Variants in GALNT18 observed in about 807,000 individuals in gnomAD.
GALNT18 encodes GalNAc-transferase 18.
A neutral mutation model predicts 69.5 loss-of-function variants in GALNT18; 44 were observed. The observed-to-expected ratio is 0.63, with a 90% CI of 0.50 to 0.81. The LOEUF (loss-of-function observed/expected upper bound fraction) is 0.81. Ranked by LOEUF, GALNT18 falls within the 40% of genes least tolerant of loss-of-function variation. The pLI, the probability that GALNT18 is intolerant of heterozygous loss-of-function variation, is 0.00. For synonymous variants in GALNT18, 364 were observed against 318.2 expected, an observed-to-expected ratio of 1.14 and a Z score of -1.53; for missense variants, 715 against 810.0, an observed-to-expected ratio of 0.88 and a Z score of 1.42.
At chr11:11,577,124 A>G (rs925032729) in intron 1 of GALNT18, among the ~76,000 whole-genome samples, 22 of 152,164 alleles carry the variant, frequency 1.4e-4, no homozygotes, top group African/African-American at 5.1e-4. Context: ...GATGATACTT[A>G]CCTCACACAT....
intron 6 of GALNT18, among the ~76,000 whole-genome samples, chr11:11,354,498 A>C (rs1850486743): frequency 6.6e-6 from 1 of 152,234 alleles, no homozygotes; most frequent in African/African-American, 2.4e-5. Flanking sequence ...TCCAACACTC[A>C]GTTTCCTTGT....
chr11:11,506,017 C>A (rs1857063979), intron 1 of GALNT18, among the ~76,000 whole-genome samples: 1 of 152,194 alleles, frequency 6.6e-6, no homozygotes, highest in Non-Finnish European at 1.5e-5. Context: ...AGGTTTCCTG[C>A]AGTCACCCTG....
chr11:11,520,968 G>GC (rs1178174604), intron 1 of GALNT18, among the ~76,000 whole-genome samples: 2 of 152,094 alleles, frequency 1.3e-5, no homozygotes, highest in Admixed American at 1.3e-4. Context: ...GAGCCTTAGA[G>GC]CCCCTGGCTG....
intron 1 of GALNT18, among the ~76,000 whole-genome samples, chr11:11,533,126 C>A (rs1857692318): frequency 6.6e-6 from 1 of 152,156 alleles, no homozygotes; most frequent in Non-Finnish European, 1.5e-5. Context: ...CTCCAGAACC[C>A]AGAAAATGTT....
At chr11:11,393,152 A>C (rs1854234437) in intron 3 of GALNT18, among the ~76,000 whole-genome samples, 1 of 152,116 alleles carries the variant, frequency 6.6e-6, no homozygotes, top group Non-Finnish European at 1.5e-5. Context: ...TTGAAACAGC[A>C]CCCATGGGGT....
At chr11:11,462,743 T>A (rs940341365) in intron 1 of GALNT18, among the ~76,000 whole-genome samples, 8 of 152,126 alleles carry the variant, frequency 5.3e-5, no homozygotes, top group Non-Finnish European at 1.0e-4. Context: ...AGAAGCAGAA[T>A]GTTCAATGGA....
At chr11:11,522,769 C>G (rs2133930726) in intron 1 of GALNT18, among the ~76,000 whole-genome samples, 1 of 152,300 alleles carries the variant, frequency 6.6e-6, no homozygotes, top group East Asian at 1.9e-4. Flanking sequence ...TCTCCACCGA[C>G]AAAGACACTT....
chr11:11,350,527 C>T (rs1253325997), intron 6 of GALNT18, among the ~76,000 whole-genome samples: 1 of 152,220 alleles, frequency 6.6e-6, no homozygotes, highest in Non-Finnish European at 1.5e-5. Context: ...CTCTGACATA[C>T]AGGGGTTGGG....
At chr11:11,547,667 G>A (rs907337407) in intron 1 of GALNT18, among the ~76,000 whole-genome samples, 1 of 152,212 alleles carries the variant, frequency 6.6e-6, no homozygotes, top group Non-Finnish European at 1.5e-5. Context: ...CTGCTACCAT[G>A]AATCTTAGGG....
intron 3 of GALNT18, among the ~76,000 whole-genome samples, chr11:11,418,151 C>T (rs1167247473): frequency 2.6e-5 from 4 of 152,328 alleles, no homozygotes; most frequent in Admixed American, 2.6e-4. Context: ...ATGTTTCTGT[C>T]TCTGTTTCCC....
In GALNT18 at chr11:11,347,697, C is replaced by A. The variant is rs1850327536; in HGVS notation, c.1093-6693G>T. ...AAAGCCTCCTTCCTGCTCTCCACAT[C>A]CATCCAAAGCCGGCCTGGCCCAGCT... On this transcript the variant is annotated intron_variant, in intron 6 of 10. Transcript: ENST00000227756. This position sits in a 1 kb window ranked among gnomAD's most constrained non-coding sequence, Gnocchi z 4.0. 6.6e-6 allele frequency among the ~76,000 whole-genome samples: 1 copy of A among 152,242 alleles called. No individual in the cohort carries two copies. Among genetic ancestry groups the A allele is most frequent in the South Asian group, 2.1e-4 (1 of 4,834 alleles).
intron 1 of GALNT18, among the ~76,000 whole-genome samples, chr11:11,578,898 G>A (rs1858999443): frequency 6.6e-6 from 1 of 152,232 alleles, no homozygotes; most frequent in African/African-American, 2.4e-5. Flanking sequence ...AAAGGGCTAT[G>A]TCAGCAGCGA....
chr11:11,518,773 G>A (rs899353605), intron 1 of GALNT18, among the ~76,000 whole-genome samples: 3 of 152,250 alleles, frequency 2.0e-5, no homozygotes, highest in Non-Finnish European at 1.5e-5. Context: ...GGAGCAAAGT[G>A]TTAGTCATAG....
intron 6 of GALNT18, among the ~76,000 whole-genome samples, chr11:11,361,389 T>C (rs1388955196): frequency 2.0e-5 from 3 of 152,238 alleles, no homozygotes; most frequent in Non-Finnish European, 4.4e-5. Flanking sequence ...GAGATAGTAG[T>C]AGTACCTACA....
Position 11,332,587 on chromosome 11 carries a change from A to T in GALNT18, c.1416+107T>A. On this transcript the variant is annotated intron_variant, in intron 8 of 10. Transcript: ENST00000227756. This position sits in a 1 kb window ranked among gnomAD's most constrained non-coding sequence, Gnocchi z 4.3. ...AGCGCCCGGTCCCCAGGCCTACTGC[A>T]GTTCTTCATGTGAGCAGCTGAGAGG... 1.5e-6 allele frequency: 2 copies of T among 1,293,464 alleles called. No individual in the cohort carries two copies. The highest frequency in any genetic ancestry group is 2.2e-6 in the Non-Finnish European group (2 of 918,744). The allele number at this position is 1,293,464 out of a possible 1,614,324, so 80.1% of individuals were successfully genotyped here.
chr11:11,472,161 C>G (rs1411800091), intron 1 of GALNT18, among the ~76,000 whole-genome samples: 2 of 152,238 alleles, frequency 1.3e-5, no homozygotes, highest in East Asian at 1.9e-4. Context: ...CATGACAGGA[C>G]AGGGGCTCCA....
Position 11,377,299 on chromosome 11 carries a change from T to C in GALNT18, c.860A>G (p.Asn287Ser). ...SPSFDNIKYD[N>S]FEIEEYPLAA... ...CAGCGGGTACTCTTCTATCTCAAAG[T>C]TGTCATATTTGATGTTATCAAAGGA... The change falls in exon 5 of 11, where the codon AAC (asparagine) becomes AGC (serine). Residue 287 changes from asparagine to serine, a missense_variant. Asn to Ser is a conservative substitution (Grantham distance 46, BLOSUM62 1). Transcript: ENST00000227756. The surrounding 1 kb of genome is among the most constrained non-coding windows in gnomAD (Gnocchi z 4.6). 10 of 1,613,990 alleles carry C rather than the reference T, an allele frequency of 6.2e-6. No individual in the cohort carries two copies. The highest frequency in any genetic ancestry group is 8.5e-6 in the Non-Finnish European group (10 of 1,179,992).
chr11:11,525,410 C>T (rs1030137117), intron 1 of GALNT18, among the ~76,000 whole-genome samples: 4 of 152,074 alleles, frequency 2.6e-5, no homozygotes, highest in Non-Finnish European at 5.9e-5. Context: ...AGGTCCTTAT[C>T]TGAAACAGCG....
At position 11,439,347 on chromosome 11, in the gene GALNT18, A is replaced by G. The variant is rs1415901973; in HGVS notation, c.429-6560T>C. ...CCAGAGCCTGCCTGTGTGGCTTCTC[A>G]TTGTGTGATTGTGGGCCTTCATCAG... On this transcript the variant is annotated intron_variant, in intron 2 of 10. Coordinates refer to ENST00000227756, the MANE Select transcript of GALNT18 (RefSeq NM_198516.3). This position sits in a 1 kb window ranked among gnomAD's most constrained non-coding sequence, Gnocchi z 4.4. Among the ~76,000 whole-genome samples, 1 of 152,156 alleles carries G rather than the reference A, an allele frequency of 6.6e-6. No individual in the cohort carries two copies. The highest frequency in any genetic ancestry group is 1.5e-5 in the Non-Finnish European group (1 of 68,020).
Sources: gnomAD v4.1 joint callset for allele counts (sites outside exome capture counted in the v4.1 genomes callset) on GRCh38, gnomAD v4.1.1 for gene constraint, Gnocchi (gnomAD v3.1) non-coding constraint, MANE v1.5 for transcripts, NCBI Gene and HGNC (gene_info 2026-07-23, HGNC 2026-07-21) for gene names.